RPS6KC1: variants seen among roughly 807,000 people sequenced by gnomAD.
RPS6KC1 encodes ribosomal protein S6 kinase C1.
RPS6KC1 carries 54 observed loss-of-function variants against 103.8 expected under a neutral mutation model. That is an observed-to-expected ratio of 0.52 (90% confidence interval 0.42 to 0.65). The LOEUF is 0.65. RPS6KC1 is among the 30% of genes least tolerant of loss of function. RPS6KC1 has a pLI of 0.00. For missense variants in RPS6KC1, 1,151 were observed against 1,253.8 expected, an observed-to-expected ratio of 0.92 and a Z score of 1.24; for synonymous variants, 439 against 438.7, an observed-to-expected ratio of 1.00 and a Z score of -0.01.
the RPS6KC1 span, among the ~76,000 whole-genome samples, chr1:213,844,248 C>G: frequency 6.6e-6 from 1 of 152,106 alleles, no homozygotes; most frequent in African/African-American, 2.4e-5. Context: ...GTGCATTGCA[C>G]AATAGTAACT....
rs1553316510 is a variant in RPS6KC1 at position 213,091,972 on chromosome 1, T to TTA, written c.263-12482_263-12481insTA. On this transcript the variant is annotated intron_variant, in intron 3 of 14. Coordinates refer to ENST00000366960, the MANE Select transcript of RPS6KC1 (RefSeq NM_012424.6). The stretch of plus-strand genomic sequence containing the variant: ...GGCATTACATTTCTTTTTTTTTTTT[T>TTA]AAATATGAGTGAGTGGCATATTATA... Among the ~76,000 whole-genome samples the TTA allele has an allele frequency of 2.0e-5, 3 of 151,946 alleles. No homozygotes were observed. In the East Asian group the frequency reaches 5.8e-4, roughly 29 times the overall value.
chr1:213,570,513 T>C, the RPS6KC1 span, among the ~76,000 whole-genome samples: 1 of 152,224 alleles, frequency 6.6e-6, no homozygotes, highest in Non-Finnish European at 1.5e-5. Flanking sequence ...CATGGCATTC[T>C]GTGTCCAGGA....
chr1:213,589,613 G>C, the RPS6KC1 span, among the ~76,000 whole-genome samples: 1 of 147,556 alleles, frequency 6.8e-6, no homozygotes, highest in East Asian at 2.0e-4. Context: ...TTGCACTCTA[G>C]TCTGGTTGAC....
the RPS6KC1 span, chr1:213,840,972 G>A: frequency 6.6e-5 from 10 of 152,140 alleles, no homozygotes; most frequent in Non-Finnish European, 1.0e-4. Context: ...TCCACAAGCC[G>A]ATGAGCTCTA....
At chr1:213,691,591 G>A in the RPS6KC1 span, among the ~76,000 whole-genome samples, 4 of 151,936 alleles carry the variant, frequency 2.6e-5, no homozygotes, top group Admixed American at 6.6e-5. Context: ...GAAGTGTTTC[G>A]GTCTCCAAAG....
chr1:213,332,986 G>A, the RPS6KC1 span, among the ~76,000 whole-genome samples: 1 of 152,006 alleles, frequency 6.6e-6, no homozygotes. Flanking sequence ...ACATCAGATG[G>A]GACTTCTCAC....
chr1:213,200,809 G>A (rs2093134690), intron 8 of RPS6KC1, among the ~76,000 whole-genome samples: 1 of 152,148 alleles, frequency 6.6e-6, no homozygotes. Context: ...AGTGGGCAAA[G>A]GACATGAACA....
chr1:213,184,353 G>C (rs1356458618), intron 8 of RPS6KC1, among the ~76,000 whole-genome samples: 1 of 151,742 alleles, frequency 6.6e-6, no homozygotes, highest in African/African-American at 2.4e-5. Flanking sequence ...TTAGAAAATA[G>C]CAACAAAATC....
At chr1:213,558,583 C>T in the RPS6KC1 span, among the ~76,000 whole-genome samples, 2 of 152,216 alleles carry the variant, frequency 1.3e-5, no homozygotes, top group Non-Finnish European at 2.9e-5. Flanking sequence ...GACTCTTCTT[C>T]CCTGTCTTTC....
the RPS6KC1 span, among the ~76,000 whole-genome samples, chr1:213,418,964 TC>T: frequency 6.6e-6 from 1 of 152,246 alleles, no homozygotes; most frequent in Non-Finnish European, 1.5e-5. Context: ...GTGTTGCGTT[TC>T]CCGTCTGGAA....
At chr1:213,759,214 A>G in the RPS6KC1 span, among the ~76,000 whole-genome samples, 1 of 142,040 alleles carries the variant, frequency 7.0e-6, no homozygotes, top group Non-Finnish European at 1.6e-5. Flanking sequence ...GACTCAGAGG[A>G]TCATTAGCAG....
chr1:213,745,858 A>C, the RPS6KC1 span, among the ~76,000 whole-genome samples: 125,933 of 152,140 alleles, frequency 0.83, 52,356 homozygotes, highest in Middle Eastern at 0.97. Flanking sequence ...ACACCACCAC[A>C]AGGAGAGGGG....
the RPS6KC1 span, among the ~76,000 whole-genome samples, chr1:213,708,350 G>A: frequency 6.6e-6 from 1 of 152,054 alleles, no homozygotes; most frequent in Non-Finnish European, 1.5e-5. Flanking sequence ...TCTATTATTG[G>A]TGTATAGAAA....
At chr1:213,259,939 A>T (rs1311376186) in intron 12 of RPS6KC1, among the ~76,000 whole-genome samples, 1 of 151,934 alleles carries the variant, frequency 6.6e-6, no homozygotes, top group Non-Finnish European at 1.5e-5. Context: ...GGGTTTCGCC[A>T]TGTTGGCCAG....
the RPS6KC1 span, among the ~76,000 whole-genome samples, chr1:213,346,436 T>C: frequency 1.3e-5 from 2 of 152,148 alleles, no homozygotes; most frequent in Non-Finnish European, 2.9e-5. Context: ...AATTTTTACA[T>C]TTTTTCATAG....
At chr1:213,058,935 G>T (rs1255142555) in intron 1 of RPS6KC1, among the ~76,000 whole-genome samples, 1 of 152,114 alleles carries the variant, frequency 6.6e-6, no homozygotes, top group Non-Finnish European at 1.5e-5. Flanking sequence ...TCTTCTATCA[G>T]CATTTTGTGG....
intron 2 of RPS6KC1, 117 bp from the exon 3 acceptor site, chr1:213,077,579 G>A: frequency 1.9e-6 from 1 of 521,572 alleles, no homozygotes. Context: ...ATATTGTTTA[G>A]GACATGTGTT....
chr1:213,670,682 G>A, the RPS6KC1 span, among the ~76,000 whole-genome samples: 1 of 152,136 alleles, frequency 6.6e-6, no homozygotes, highest in Admixed American at 6.5e-5. Flanking sequence ...CACCTGCCAG[G>A]CAAGGACTGA....
At chr1:213,758,526 C>T in the RPS6KC1 span, among the ~76,000 whole-genome samples, 6 of 150,768 alleles carry the variant, frequency 4.0e-5, no homozygotes, top group African/African-American at 9.8e-5. Context: ...TGCAGTAAGC[C>T]GAGACCACAC....
Sources: allele counts gnomAD v4.1 joint callset (sites outside exome capture counted in the v4.1 genomes callset), GRCh38; gene constraint gnomAD v4.1.1; transcripts MANE v1.5; gene names NCBI Gene and HGNC (gene_info 2026-07-23, HGNC 2026-07-21).